Variants in DSG2 observed in about 807,000 individuals in gnomAD.
The protein encoded by DSG2 is desmoglein 2.
DSG2 carries 45 observed loss-of-function variants against 75.6 expected under a neutral mutation model. The observed-to-expected ratio is 0.60, with a 90% CI of 0.47 to 0.76. DSG2 has a LOEUF of 0.76. DSG2 is among the 30% of genes least tolerant of loss of function. The pLI, the probability that DSG2 is intolerant of heterozygous loss-of-function variation, is 0.00. For missense variants in DSG2, 1,267 were observed against 1,357.4 expected, an observed-to-expected ratio of 0.93 and a Z score of 1.05; for synonymous variants, 429 against 483.9, an observed-to-expected ratio of 0.89 and a Z score of 1.49.
chr18:31,522,928 TTTATTA>T (rs1363548770), intron 6 of DSG2, among the ~76,000 whole-genome samples: 2 of 152,242 alleles, frequency 1.3e-5, no homozygotes, highest in Non-Finnish European at 2.9e-5. Flanking sequence ...AACATTTCAC[TTTATTA>T]TTTCTAACTG....
At chr18:31,518,736 AT>A (rs1026645457) in intron 2 of DSG2, among the ~76,000 whole-genome samples, 3 of 152,102 alleles carry the variant, frequency 2.0e-5, no homozygotes, top group African/African-American at 7.2e-5. Context: ...AAAAAAAAAA[AT>A]CAATGACCTA....
chr18:31,536,743 G>A (rs1243072717), intron 11 of DSG2, among the ~76,000 whole-genome samples: 1 of 152,180 alleles, frequency 6.6e-6, no homozygotes, highest in East Asian at 1.9e-4. Flanking sequence ...TAAAAATCTT[G>A]TAGTAACAGT....
rs995791689 is a variant in DSG2 at position 31,548,020 on chromosome 18, A to G, written c.*1277A>G. On this transcript the variant is annotated 3_prime_UTR_variant, in exon 15 of 15. Transcript: ENST00000261590. ...TAAAAACCATTCGTTTTTGTTTACAATTGCCAAAAATCTCAAAAGGCCCTG... is the reference window on the plus strand; with the variant it reads ...TAAAAACCATTCGTTTTTGTTTACAGTTGCCAAAAATCTCAAAAGGCCCTG... 1.3e-5 allele frequency: 2 copies of G among 152,190 alleles called. No homozygotes were observed. The highest frequency in any genetic ancestry group is 1.3e-4 in the Admixed American group (2 of 15,286). The allele number at this position is 152,190 out of a possible 1,614,324, so 9.4% of individuals were successfully genotyped here.
intron 1 of DSG2, among the ~76,000 whole-genome samples, chr18:31,517,735 T>C (rs1401217483): frequency 6.6e-6 from 1 of 151,518 alleles, no homozygotes; most frequent in Non-Finnish European, 1.5e-5. Flanking sequence ...AAGAAAAGAG[T>C]TGGTGGGACT....
chr18:31,513,441 C>T (rs1000317097), intron 1 of DSG2, among the ~76,000 whole-genome samples: 3 of 152,212 alleles, frequency 2.0e-5, no homozygotes, highest in Non-Finnish European at 2.9e-5. Context: ...TTCTCTTACA[C>T]ATTTATGCCT....
At position 31,520,819 on chromosome 18, in the gene DSG2, C is replaced by T; in HGVS notation, c.233C>T (p.Ala78Val). Residue 78 changes from alanine to valine, a missense_variant, in exon 4 of 15, where the codon GCA (alanine) becomes GTA (valine). Transcript: ENST00000261590. ...NPIAKIHSDLAEERGLKITYK... is the reference protein window; with the variant it reads ...NPIAKIHSDLVEERGLKITYK... The stretch of plus-strand genomic sequence containing the variant: ...TTATGTTAGATACATTCTGATCTTG[C>T]AGAAGAAAGAGGACTCAAAATTACT... 6.2e-7 allele frequency: 1 copy of T among 1,613,490 alleles called. No homozygotes were observed. Among genetic ancestry groups the T allele is most frequent in the East Asian group, 2.2e-5 (1 of 44,778 alleles).
intron 1 of DSG2, among the ~76,000 whole-genome samples, chr18:31,511,716 C>G (rs980954002): frequency 1.3e-5 from 2 of 152,156 alleles, no homozygotes; most frequent in African/African-American, 4.8e-5. Context: ...CTTTAAGATG[C>G]ACATCAATTC....
At chr18:31,532,911 G>A (rs1279372995) in intron 9 of DSG2, among the ~76,000 whole-genome samples, 2 of 80,446 alleles carry the variant, frequency 2.5e-5, no homozygotes, top group African/African-American at 4.2e-5. Flanking sequence ...CTGCTGTTTT[G>A]TTTGTTTGTT....
chr18:31,508,407 T>C (rs1304270678), intron 1 of DSG2, among the ~76,000 whole-genome samples: 1 of 146,566 alleles, frequency 6.8e-6, no homozygotes, highest in African/African-American at 2.5e-5. Flanking sequence ...ATTTTATTTA[T>C]TCTTGAGATA....
At chr18:31,535,663 A>G (rs910001331) in intron 10 of DSG2, among the ~76,000 whole-genome samples, 3 of 151,942 alleles carry the variant, frequency 2.0e-5, no homozygotes, top group Admixed American at 2.0e-4. Flanking sequence ...GCATGGTGGC[A>G]TGCATCTGTA....
At chr18:31,543,273 A>T (rs1428998934) in intron 14 of DSG2, 1 of 164,086 alleles carries the variant, frequency 6.1e-6, no homozygotes, top group African/African-American at 2.4e-5. Flanking sequence ...TTTACACCAC[A>T]TTTCATTGAC....
chr18:31,499,006 C>T (rs2072999871), intron 1 of DSG2, among the ~76,000 whole-genome samples: 1 of 152,068 alleles, frequency 6.6e-6, no homozygotes, highest in Admixed American at 6.5e-5. Flanking sequence ...CCCCACGCCC[C>T]ACCCCTCACT....
intron 1 of DSG2, among the ~76,000 whole-genome samples, chr18:31,517,715 T>C (rs145540255): frequency 5.8e-4 from 88 of 152,216 alleles, no homozygotes; most frequent in Middle Eastern, 3.4e-3. Context: ...ACAGTGCCTA[T>C]GAAGAACCAA....
At chr18:31,522,275 T>C in intron 6 of DSG2, 26 bp downstream of exon 6, 3 of 1,598,698 alleles carry the variant, frequency 1.9e-6, no homozygotes, top group Middle Eastern at 1.7e-4. Context: ...ATGTTGCCCA[T>C]CTTTAAACTC....
intron 1 of DSG2, among the ~76,000 whole-genome samples, chr18:31,513,462 A>G (rs1023935386): frequency 1.3e-5 from 2 of 152,242 alleles, no homozygotes; most frequent in African/African-American, 4.8e-5. Flanking sequence ...AAACCAGCCA[A>G]TATCAAAGTA....
chr18:31,533,115 C>T (rs886617097), intron 9 of DSG2, among the ~76,000 whole-genome samples: 31 of 152,272 alleles, frequency 2.0e-4, no homozygotes, highest in African/African-American at 5.5e-4. Flanking sequence ...AATGGAGGCA[C>T]AACCAAGTTA....
intron 10 of DSG2, among the ~76,000 whole-genome samples, 196 bp downstream of exon 10, chr18:31,535,608 AC>A (rs1285959111): frequency 6.6e-6 from 1 of 152,162 alleles, no homozygotes; most frequent in Non-Finnish European, 1.5e-5. Flanking sequence ...ATTCTGGCCA[AC>A]ATGGTGAAAC....
rs529231700 is a variant in DSG2, at chr18:31,518,290, G to T, written c.81+16G>T. ...TCACTTACAGGTGAGGAAACAAAGGGATTATTTCTGCCTTCTGACTCAGGA... is the reference window on the plus strand; with the variant it reads ...TCACTTACAGGTGAGGAAACAAAGGTATTATTTCTGCCTTCTGACTCAGGA... On this transcript the variant is annotated intron_variant, in intron 2 of 14. Coordinates refer to ENST00000261590, the MANE Select transcript of DSG2 (RefSeq NM_001943.5). The T allele has an allele frequency of 1.5e-4, 242 of 1,608,666 alleles. No homozygotes were observed. The highest frequency in any genetic ancestry group is 1.9e-4 in the Non-Finnish European group (227 of 1,175,150).
intron 1 of DSG2, among the ~76,000 whole-genome samples, chr18:31,508,204 C>T (rs2073048884): frequency 6.6e-6 from 1 of 151,902 alleles, no homozygotes; most frequent in African/African-American, 2.4e-5. Context: ...ATGCTTAGGA[C>T]CAGTAAAAGT....
Sources: gnomAD v4.1 joint callset for allele counts (sites outside exome capture counted in the v4.1 genomes callset) on GRCh38, gnomAD v4.1.1 for gene constraint, MANE v1.5 for transcripts, NCBI Gene and HGNC (gene_info 2026-07-23, HGNC 2026-07-21) for gene names.